TM9SF2: variants seen among roughly 807,000 people sequenced by gnomAD.
The protein encoded by TM9SF2 is transmembrane 9 superfamily member 2, also known as 76 kDa membrane protein.
In TM9SF2, 13 loss-of-function variants were observed where a neutral mutation model predicts 84.9. That is an observed-to-expected ratio of 0.15 (90% CI 0.10 to 0.24). The LOEUF is 0.24. Among genes scored for constraint, TM9SF2 ranks in the 10% least tolerant of loss-of-function variants. The probability of loss-of-function intolerance (pLI) is 1.00; values close to 1 mark genes in which losing one functional copy is unlikely to be tolerated. For missense variants in TM9SF2, 562 were observed against 818.5 expected (o/e 0.69, Z 3.82); for synonymous variants, 273 against 285.8 (o/e 0.96, Z 0.45).
intron 4 of TM9SF2, among the ~76,000 whole-genome samples, chr13:99,534,802 T>C (rs1356481962): frequency 6.6e-6 from 1 of 152,202 alleles, no homozygotes; most frequent in Non-Finnish European, 1.5e-5. Flanking sequence ...ATTTTTTTGA[T>C]ATTAGAAATT....
intron 9 of TM9SF2, among the ~76,000 whole-genome samples, chr13:99,543,293 T>C (rs2046268638): frequency 6.6e-6 from 1 of 152,224 alleles, no homozygotes; most frequent in South Asian, 2.1e-4. Flanking sequence ...ACAGTATACT[T>C]TCCTGACTTA....
rs1444804592 is a variant in TM9SF2 at position 99,554,494 on chromosome 13, T to C, written c.1640+39T>C. The C allele has an allele frequency of 2.5e-6, 4 of 1,585,708 alleles. No individual in the cohort carries two copies. In the African/African-American group the frequency reaches 5.4e-5, roughly 22 times the overall value. The stretch of plus-strand genomic sequence containing the variant: ...AAAGTCCTCTCATTCTCATTACCAT[T>C]ATATGTAATATTTCCTTTTTGTTTG... On this transcript the variant is annotated intron_variant, in intron 14 of 16. Transcript: ENST00000376387.
chr13:99,508,492 ATT>A, intron 1 of TM9SF2, among the ~76,000 whole-genome samples: 2 of 147,888 alleles, frequency 1.4e-5, no homozygotes, highest in South Asian at 4.3e-4. Flanking sequence ...AAGTGCTGTC[ATT>A]TTTTTTTTAA....
chr13:99,534,112 G>C (rs1459736840), intron 4 of TM9SF2, among the ~76,000 whole-genome samples: 1 of 152,172 alleles, frequency 6.6e-6, no homozygotes, highest in Non-Finnish European at 1.5e-5. Flanking sequence ...CTCTTCAGCT[G>C]TGCTCTGTGT....
intron 10 of TM9SF2, among the ~76,000 whole-genome samples, chr13:99,546,354 G>A (rs776602041): frequency 6.6e-6 from 1 of 152,146 alleles, no homozygotes; most frequent in Admixed American, 6.5e-5. Flanking sequence ...ATATAATATA[G>A]CATTTTAATT....
At chr13:99,536,827 T>G (rs971388086) in intron 5 of TM9SF2, 90 bp downstream of exon 5, 121 of 1,427,294 alleles carry the variant, frequency 8.5e-5, no homozygotes, top group Non-Finnish European at 1.1e-4. Context: ...TTATATTCAT[T>G]GAATGAGTGT....
chr13:99,517,588 C>T, intron 1 of TM9SF2, 26 bp from the exon 2 acceptor site: 2 of 1,509,510 alleles, frequency 1.3e-6, no homozygotes, highest in South Asian at 2.6e-5. Context: ...TGTTTATATT[C>T]TAATTTTGTG....
At chr13:99,529,227 C>T (rs761360470) in intron 3 of TM9SF2, among the ~76,000 whole-genome samples, 1 of 151,520 alleles carries the variant, frequency 6.6e-6, no homozygotes, top group South Asian at 2.1e-4. Context: ...AAAGGTAAGT[C>T]GATTGAAATT....
At chr13:99,507,630 T>C (rs2046094181) in intron 1 of TM9SF2, among the ~76,000 whole-genome samples, 1 of 152,112 alleles carries the variant, frequency 6.6e-6, no homozygotes, top group South Asian at 2.1e-4. Flanking sequence ...CATTTGTGAG[T>C]CCCAGCATTG....
chr13:99,501,490 C>G lies in TM9SF2; in HGVS notation c.-117C>G, dbSNP rs1409083658. The G allele has an allele frequency of 2.4e-5, 32 of 1,358,518 alleles. No homozygotes were observed. Among genetic ancestry groups the G allele is most frequent in the Non-Finnish European group, 2.9e-5 (29 of 1,004,508 alleles). 84.2% of individuals were successfully genotyped at this position (1,358,518 alleles called of 1,614,324 possible). A position where few individuals can be genotyped will look rare whatever the true frequency, so the allele number is the denominator to read the frequency against. ...GTCTCCTAGCGCAACCGGAACTAGC[C>G]TTCTGGGGGCCGGCTTCCTTTATCT... On this transcript the variant is annotated 5_prime_UTR_variant, in exon 1 of 17. Transcript: ENST00000376387.
At chr13:99,562,634 G>C in intron 16 of TM9SF2, 57 bp from the exon 17 acceptor site, 1 of 1,537,352 alleles carries the variant, frequency 6.5e-7, no homozygotes, top group Non-Finnish European at 8.9e-7. Context: ...CTGTATTTTT[G>C]TGTAAAGTAT....
intron 9 of TM9SF2, among the ~76,000 whole-genome samples, 195 bp from the exon 10 acceptor site, chr13:99,543,668 A>G (rs1470616955): frequency 6.6e-6 from 1 of 152,256 alleles, no homozygotes; most frequent in Non-Finnish European, 1.5e-5. Context: ...AGAAACTGAC[A>G]TATAAGACAG....
chr13:99,501,990 C>T (rs1335739296), intron 1 of TM9SF2, among the ~76,000 whole-genome samples: 1 of 152,208 alleles, frequency 6.6e-6, no homozygotes, highest in Non-Finnish European at 1.5e-5. Flanking sequence ...CAGTGGGCCT[C>T]AGACTCGCCT....
chr13:99,557,181 C>T (rs1021463003), intron 15 of TM9SF2, among the ~76,000 whole-genome samples: 1 of 152,190 alleles, frequency 6.6e-6, no homozygotes, highest in East Asian at 1.9e-4. Context: ...TTCTCCGTAT[C>T]TTTGCCAACA....
At chr13:99,552,354 G>C (rs1339578641) in intron 13 of TM9SF2, 28 bp downstream of exon 13, 1 of 1,595,978 alleles carries the variant, frequency 6.3e-7, no homozygotes. Flanking sequence ...AACTTATTCA[G>C]GTGAATTTTA....
At chr13:99,508,283 C>G in intron 1 of TM9SF2, among the ~76,000 whole-genome samples, 1 of 151,964 alleles carries the variant, frequency 6.6e-6, no homozygotes, top group African/African-American at 2.4e-5. Context: ...TCTTTCTAGT[C>G]ACATCAGTGA....
chr13:99,536,522 A>G, intron 4 of TM9SF2, 86 bp from the exon 5 acceptor site: 1 of 1,490,432 alleles, frequency 6.7e-7, no homozygotes, highest in Non-Finnish European at 9.1e-7. Context: ...TTTAAATTTT[A>G]CAAAGTGATG....
chr13:99,536,609 A>G lies in TM9SF2; in HGVS notation c.463A>G (p.Ile155Val). ...SMLLNYQHHW[I>V]VDNMPVTWCY... ...CTTAACTCCTCTTTCCATGTGTAGG[A>G]TTGTGGATAATATGCCTGTAACGTG... The change falls in exon 5 of 17, where the codon ATT becomes GTT. Residue 155 changes from isoleucine to valine, a missense_variant and splice_region_variant. Physicochemically the swap from Ile to Val is conservative, Grantham distance 29 (BLOSUM62 3). Coordinates refer to ENST00000376387, the MANE Select transcript of TM9SF2 (RefSeq NM_004800.3). 1 of 1,613,026 alleles carries G rather than the reference A, an allele frequency of 6.2e-7. No individual in the cohort carries two copies. Among genetic ancestry groups the G allele is most frequent in the Non-Finnish European group, 8.5e-7 (1 of 1,179,336 alleles).
intron 15 of TM9SF2, among the ~76,000 whole-genome samples, chr13:99,557,828 C>T (rs1408075216): frequency 6.6e-6 from 1 of 152,148 alleles, no homozygotes; most frequent in African/African-American, 2.4e-5. Context: ...CACCACTGCA[C>T]TCCAGAACCT....
Sources: gnomAD v4.1 joint callset for allele counts (sites outside exome capture counted in the v4.1 genomes callset) on GRCh38, gnomAD v4.1.1 for gene constraint, MANE v1.5 for transcripts, NCBI Gene and HGNC (gene_info 2026-07-23, HGNC 2026-07-21) for gene names.